Variants in CDH18 observed in about 807,000 individuals in gnomAD.
CDH18 encodes the protein cadherin 18.
Under a neutral mutation model 67.9 loss-of-function variants are expected in CDH18, and 31 were observed. That is an observed-to-expected ratio of 0.46 (90% CI 0.34 to 0.62). The LOEUF (loss-of-function observed/expected upper bound fraction) is 0.62. Among genes scored for constraint, CDH18 ranks in the 20% least tolerant of loss-of-function variants. The pLI is 0.01. For synonymous variants in CDH18, 362 were observed against 347.2 expected (o/e 1.04, Z -0.48); for missense variants, 890 against 975.5 (o/e 0.91, Z 1.17).
intron 8 of CDH18, among the ~76,000 whole-genome samples, chr5:19,544,272 G>A (rs1249535079): frequency 1.3e-5 from 2 of 151,946 alleles, no homozygotes; most frequent in Non-Finnish European, 2.9e-5. Context: ...AGCAGAAACA[G>A]CGATTAATAG....
At chr5:20,477,374 G>T (rs1752511264) in intron 1 of CDH18, among the ~76,000 whole-genome samples, 2 of 152,142 alleles carry the variant, frequency 1.3e-5, no homozygotes, top group African/African-American at 4.8e-5. Context: ...TCATACCAAG[G>T]AAGGGGGAAC....
chr5:19,706,765 TC>T, intron 5 of CDH18, among the ~76,000 whole-genome samples: 1 of 152,294 alleles, frequency 6.6e-6, no homozygotes, highest in Non-Finnish European at 1.5e-5. Context: ...ATTACTGGTA[TC>T]CCATATAATT....
intron 1 of CDH18, among the ~76,000 whole-genome samples, chr5:19,985,831 G>T (rs1799509718): frequency 6.6e-6 from 1 of 152,070 alleles, no homozygotes; most frequent in South Asian, 2.1e-4. Flanking sequence ...CACTGTGTCA[G>T]ATATATGGAT....
chr5:20,428,913 C>A (rs1748530971), intron 1 of CDH18, among the ~76,000 whole-genome samples: 1 of 152,062 alleles, frequency 6.6e-6, no homozygotes, highest in Admixed American at 6.6e-5. Context: ...TCCCATCATC[C>A]AGATGGTAAC....
At chr5:20,425,053 C>T (rs1310230147) in intron 1 of CDH18, among the ~76,000 whole-genome samples, 1 of 150,686 alleles carries the variant, frequency 6.6e-6, no homozygotes, top group Non-Finnish European at 1.5e-5. Flanking sequence ...ATATGAAAGA[C>T]TTAGTCTTAG....
intron 1 of CDH18, among the ~76,000 whole-genome samples, chr5:20,346,875 A>T (rs1466246340): frequency 6.6e-6 from 1 of 152,196 alleles, no homozygotes; most frequent in Non-Finnish European, 1.5e-5. Context: ...CAGGGTTTTA[A>T]GGTCCTCCAA....
intron 3 of CDH18, among the ~76,000 whole-genome samples, chr5:19,819,266 G>A (rs1043225532): frequency 3.9e-5 from 6 of 152,042 alleles, no homozygotes; most frequent in Non-Finnish European, 8.8e-5. Flanking sequence ...GAAACATAAG[G>A]GAAGCTAGTA....
intron 2 of CDH18, among the ~76,000 whole-genome samples, chr5:20,164,265 T>A (rs1371125308): frequency 2.0e-5 from 3 of 152,128 alleles, no homozygotes; most frequent in African/African-American, 4.8e-5. Flanking sequence ...TTCTAAATCA[T>A]CCAGTATTTT....
chr5:19,647,856 T>C (rs549225719), intron 5 of CDH18, among the ~76,000 whole-genome samples: 75 of 152,224 alleles, frequency 4.9e-4, no homozygotes, highest in African/African-American at 1.8e-3. Flanking sequence ...CCTACTTTCA[T>C]TTGTCAGTAG....
intron 1 of CDH18, among the ~76,000 whole-genome samples, chr5:20,301,641 A>G (rs911670426): frequency 4.6e-5 from 7 of 152,214 alleles, no homozygotes; most frequent in African/African-American, 1.7e-4. Flanking sequence ...CTGAAATAGA[A>G]CAACTGACAA....
chr5:20,014,410 G>C (rs776108616), intron 2 of CDH18, among the ~76,000 whole-genome samples: 30 of 152,122 alleles, frequency 2.0e-4, no homozygotes, highest in Middle Eastern at 3.4e-3. Context: ...GAGAGGAATG[G>C]GAAAGTCTTC....
intron 2 of CDH18, among the ~76,000 whole-genome samples, chr5:19,863,531 C>T (rs1037570307): frequency 1.3e-5 from 2 of 152,286 alleles, no homozygotes; most frequent in South Asian, 2.1e-4. Flanking sequence ...GGGGAGAGGA[C>T]AGTCATTGCC....
At chr5:20,161,689 C>T (rs1025317237) in intron 2 of CDH18, among the ~76,000 whole-genome samples, 4 of 152,098 alleles carry the variant, frequency 2.6e-5, no homozygotes, top group African/African-American at 9.7e-5. Context: ...TCTACTATCT[C>T]TCATTTATGT....
At chr5:20,491,389 A>G (rs377204274) in intron 1 of CDH18, among the ~76,000 whole-genome samples, 73 of 152,304 alleles carry the variant, frequency 4.8e-4, no homozygotes, top group African/African-American at 1.5e-3. Flanking sequence ...GGGGAAATAT[A>G]TAAGTCTGGG....
chr5:19,714,763 T>G (rs1765142117), intron 5 of CDH18, among the ~76,000 whole-genome samples: 1 of 152,174 alleles, frequency 6.6e-6, no homozygotes, highest in African/African-American at 2.4e-5. Flanking sequence ...TTCATTTCCT[T>G]ATAACATTGA....
intron 2 of CDH18, among the ~76,000 whole-genome samples, chr5:19,841,493 T>C (rs1411890438): frequency 2.0e-5 from 3 of 151,794 alleles, no homozygotes; most frequent in Non-Finnish European, 2.9e-5. Context: ...TTTCCAGCAT[T>C]TGTAATAAAT....
chr5:20,267,338 T>C (rs1322587927), intron 1 of CDH18, among the ~76,000 whole-genome samples: 3 of 152,220 alleles, frequency 2.0e-5, no homozygotes, highest in Non-Finnish European at 4.4e-5. Context: ...TACTAGAGCC[T>C]TGTAATATAA....
At position 20,319,745 on chromosome 5, in the gene CDH18, C is replaced by T. The variant is rs144920354; in HGVS notation, c.-579-64240G>A. Among the ~76,000 whole-genome samples the T allele has an allele frequency of 1.1e-3, 163 of 152,134 alleles. 2 individuals carry two copies. The highest frequency in any genetic ancestry group is 3.7e-3 in the African/African-American group (153 of 41,500). ...ATATGACTTTCTCAAAAATGGTCTA[C>T]GAAAATTGCACATCCAATTTTATAG... On this transcript the variant is annotated intron_variant, in intron 1 of 14. Coordinates refer to the CDH18 transcript ENST00000507958.
chr5:20,166,690 C>T (rs1401200618), intron 2 of CDH18, among the ~76,000 whole-genome samples: 1 of 152,120 alleles, frequency 6.6e-6, no homozygotes, highest in Non-Finnish European at 1.5e-5. Flanking sequence ...GCAGATGGTT[C>T]TTGCTGACTT....
Sources: allele counts gnomAD v4.1 joint callset (sites outside exome capture counted in the v4.1 genomes callset), GRCh38; gene constraint gnomAD v4.1.1; transcripts MANE v1.5; gene names NCBI Gene and HGNC (gene_info 2026-07-23, HGNC 2026-07-21).